Variants in UCN3 observed in about 807,000 individuals in gnomAD.
UCN3 encodes the protein urocortin 3.
UCN3 carries 3 observed loss-of-function variants against 3.6 expected under a neutral mutation model. That is an observed-to-expected ratio of 0.83 (90% CI 0.38 to 2.15). The LOEUF is 2.15. Ranked by LOEUF, UCN3 falls within the 30% of genes most tolerant of loss-of-function variation. The probability of loss-of-function intolerance (pLI) is 0.06; values close to 1 mark genes in which losing one functional copy is unlikely to be tolerated. For missense variants in UCN3, 206 were observed against 208.3 expected, an observed-to-expected ratio of 0.99 and a Z score of 0.07; for synonymous variants, 100 against 93.2, an observed-to-expected ratio of 1.07 and a Z score of -0.42.
At position 5,365,962 on chromosome 10, in the gene UCN3, G is replaced by A. The variant is rs1834113681; in HGVS notation, c.-7+732G>A. The stretch of plus-strand genomic sequence containing the variant: ...ATGTTTATGTTTTCTGAAAATTCCT[G>A]TTCGCAATTTCTTTCCCAAGCATAG... On this transcript the variant is annotated intron_variant, in intron 1 of 1. Coordinates refer to ENST00000380433, the MANE Select transcript of UCN3 (RefSeq NM_053049.4). The surrounding 1 kb of genome is among the most constrained non-coding windows in gnomAD (Gnocchi z 4.4). 6.6e-6 allele frequency among the ~76,000 whole-genome samples: 1 copy of A among 152,166 alleles called. No homozygotes were observed. The highest frequency in any genetic ancestry group is 2.4e-5 in the African/African-American group (1 of 41,434).
chr10:5,370,750 GAT>G lies in UCN3; in HGVS notation c.-6-2964_-6-2963del, dbSNP rs782418086. On this transcript the variant is annotated intron_variant, in intron 1 of 1. Coordinates refer to ENST00000380433, the MANE Select transcript of UCN3 (RefSeq NM_053049.4). ...TGCGTGTGTATATGTGTGTGTATAT[GAT>G]GTGTGTGTATATGCGTGTGTATATG... is the stretch of plus-strand genomic sequence containing the variant. Among the ~76,000 whole-genome samples the G allele has an allele frequency of 5.7e-4, 45 of 79,464 alleles. 3 individuals are homozygous for G. Among genetic ancestry groups the G allele is most frequent in the South Asian group, 3.4e-3 (6 of 1,782 alleles). 52.1% of individuals were successfully genotyped at this position (79,464 alleles called of 152,430 possible). A position where few individuals can be genotyped will look rare whatever the true frequency, so the allele number is the denominator to read the frequency against.
chr10:5,368,326 A>G lies in UCN3; in HGVS notation c.-7+3096A>G, dbSNP rs574497674. Among the ~76,000 whole-genome samples, 582 of 152,162 alleles carry G rather than the reference A, an allele frequency of 3.8e-3. 4 individuals are homozygous for G. Among genetic ancestry groups the G allele is most frequent in the African/African-American group, 0.013 (550 of 41,496 alleles). On this transcript the variant is annotated intron_variant, in intron 1 of 1. Transcript: ENST00000380433. ...GCCAGCACCCTCTATTTTAGCTTAC[A>G]CCCACCCAGAGTCCAGGCGCCTTTC... is the stretch of plus-strand genomic sequence containing the variant.
chr10:5,367,346 C>A lies in UCN3; in HGVS notation c.-7+2116C>A, dbSNP rs1445154683. The stretch of plus-strand genomic sequence containing the variant: ...AAGTATGCCATATAAAAGATTTTTT[C>A]CTCTGTGATACGTAACAACATGATT... On this transcript the variant is annotated intron_variant, in intron 1 of 1. Transcript: ENST00000380433. The surrounding 1 kb of genome is among the most constrained non-coding windows in gnomAD (Gnocchi z 4.3). 2.0e-5 allele frequency among the ~76,000 whole-genome samples: 3 copies of A among 152,098 alleles called. No homozygotes were observed. The highest frequency in any genetic ancestry group is 7.2e-5 in the African/African-American group (3 of 41,424).
chr10:5,369,923 G>A (rs77316345), intron 1 of UCN3, among the ~76,000 whole-genome samples: 18 of 95,892 alleles, frequency 1.9e-4, no homozygotes, highest in African/African-American at 5.6e-4. Context: ...ATATGTGTGT[G>A]TATGTGTGTG....
intron 1 of UCN3, among the ~76,000 whole-genome samples, chr10:5,370,862 C>CGCGTGTGT (rs1481819542): frequency 2.2e-5 from 1 of 45,332 alleles, no homozygotes; most frequent in African/African-American, 9.6e-5. Context: ...CGTGTGTGTG[C>CGCGTGTGT]GTGTGTATGT....
rs1295698671 is a variant in UCN3 at position 5,370,738 on chromosome 10, G to GA, written c.-6-2977_-6-2976insA. Among the ~76,000 whole-genome samples, 206 of 114,228 alleles carry GA rather than the reference G, an allele frequency of 1.8e-3. 29 individuals carry two copies. Among genetic ancestry groups the GA allele is most frequent in the African/African-American group, 7.8e-3 (195 of 24,860 alleles). The allele number at this position is 114,228 out of a possible 152,430, so 74.9% of individuals were successfully genotyped here. ...TGTGTGTGTATATGCGTGTGTATAT[G>GA]TGTGTGTATATGATGTGTGTGTATA... On this transcript the variant is annotated intron_variant, in intron 1 of 1. Transcript: ENST00000380433.
intron 1 of UCN3, among the ~76,000 whole-genome samples, chr10:5,368,863 C>G (rs1214073804): frequency 6.6e-6 from 1 of 152,126 alleles, no homozygotes; most frequent in Non-Finnish European, 1.5e-5. Flanking sequence ...TTAGTGCACC[C>G]CTGGAACTCC....
rs1012370292 is a variant in UCN3, at chr10:5,371,223, T to C, written c.-6-2492T>C. On this transcript the variant is annotated intron_variant, in intron 1 of 1. Transcript: ENST00000380433. ...GTGTGTATGTGTGCATATGTGTGCA[T>C]GTATAAATATGCATGTCTATATGTA... 1.6e-4 allele frequency among the ~76,000 whole-genome samples: 24 copies of C among 151,196 alleles called. 2 individuals are homozygous for C. Among genetic ancestry groups the C allele is most frequent in the African/African-American group, 5.9e-4 (24 of 40,778 alleles).
chr10:5,368,300 G>A (rs1588398248), intron 1 of UCN3, among the ~76,000 whole-genome samples: 1 of 152,050 alleles, frequency 6.6e-6, no homozygotes, highest in African/African-American at 2.4e-5. Context: ...CACCCAGTCC[G>A]GCCAGCACCC....
rs544370359 is a variant in UCN3 at position 5,365,246 on chromosome 10, G to A, written c.-7+16G>A. The A allele has an allele frequency of 1.1e-4, 17 of 152,426 alleles. No individual in the cohort carries two copies. The highest frequency in any genetic ancestry group is 3.4e-4 in the African/African-American group (14 of 41,558). The allele number at this position is 152,426 out of a possible 1,614,324, so 9.4% of individuals were successfully genotyped here. A position where few individuals can be genotyped will look rare whatever the true frequency, so the allele number is the denominator to read the frequency against. On this transcript the variant is annotated intron_variant, in intron 1 of 1. Coordinates refer to ENST00000380433, the MANE Select transcript of UCN3 (RefSeq NM_053049.4). The surrounding 1 kb of genome is among the most constrained non-coding windows in gnomAD (Gnocchi z 4.4). ...CCACTCTCGGGTAAGCTTGTGGCTG[G>A]GACTGACTTATGAAGGGTAAATGTA...
At chr10:5,372,795 T>G (rs1831448502) in intron 1 of UCN3, among the ~76,000 whole-genome samples, 1 of 147,630 alleles carries the variant, frequency 6.8e-6, no homozygotes, top group Non-Finnish European at 1.5e-5. Flanking sequence ...GTTCAAACAA[T>G]CCTCCCACCT....
At position 5,374,283 on chromosome 10, in the gene UCN3, A is replaced by AGGGCGGGGG. The variant is rs1831474913; in HGVS notation, c.*80_*81insCGGGGGGGG. On this transcript the variant is annotated 3_prime_UTR_variant, in exon 2 of 2. Transcript: ENST00000380433. Reference sequence around the variant, plus strand: ...GAGGGGAGGGCGAGGGGGGGAGGGGAGGGGGAGGGTGCTGTCTGCTGGTTT... The same window carrying AGGGCGGGGG: ...GAGGGGAGGGCGAGGGGGGGAGGGGAGGGCGGGGGGGGGGAGGGTGCTGTCTGCTGGTTT... 3 of 48,914 alleles carry AGGGCGGGGG rather than the reference A, an allele frequency of 6.1e-5. No individual in the cohort carries two copies. The highest frequency in any genetic ancestry group is 4.6e-4 in the African/African-American group (3 of 6,474). The allele number at this position is 48,914 out of a possible 1,614,324, so 3.0% of individuals were successfully genotyped here.
chr10:5,369,592 G>A (rs891163671), intron 1 of UCN3, among the ~76,000 whole-genome samples: 6 of 152,194 alleles, frequency 3.9e-5, no homozygotes, highest in Non-Finnish European at 8.8e-5. Context: ...TTCTCACTTC[G>A]CCAGGCAACA....
rs782554505 is a variant in UCN3, at chr10:5,373,973, G to A, written c.253G>A (p.Gly85Arg). ...GKEKKTFPIS[G>R]ARGGARGTRY... is the part of the protein sequence containing the mutation. ...AGAGAAAAAGACTTTCCCCATCTCTGGGGCCAGGGGTGGAGCCAGAGGCAC... is the reference window on the plus strand; with the variant it reads ...AGAGAAAAAGACTTTCCCCATCTCTAGGGCCAGGGGTGGAGCCAGAGGCAC... Residue 85 changes from glycine (G) to arginine (R), a missense_variant, in exon 2 of 2, where the codon GGG (glycine) becomes AGG (arginine). Gly to Arg is a moderately radical substitution (Grantham distance 125). Coordinates refer to ENST00000380433, the MANE Select transcript of UCN3 (RefSeq NM_053049.4). 5.0e-6 allele frequency: 8 copies of A among 1,610,458 alleles called. No homozygotes were observed. The highest frequency in any genetic ancestry group is 6.8e-6 in the Non-Finnish European group (8 of 1,178,436).
rs368038908 is a variant in UCN3, at chr10:5,370,313, G to GTGTA, written c.-6-3401_-6-3400insGTAT. On this transcript the variant is annotated intron_variant, in intron 1 of 1. Coordinates refer to ENST00000380433, the MANE Select transcript of UCN3 (RefSeq NM_053049.4). ...TGTGTGTATGCGTGTGTATATGCGT[G>GTGTA]TATGTGTGTGTATATGCGTGTGTAT... is the stretch of plus-strand genomic sequence containing the variant. 1.1e-4 allele frequency among the ~76,000 whole-genome samples: 4 copies of GTGTA among 36,054 alleles called. 1 individual carries two copies. Among genetic ancestry groups the GTGTA allele is most frequent in the Non-Finnish European group, 1.0e-4 (2 of 19,064 alleles). 23.7% of individuals were successfully genotyped at this position (36,054 alleles called of 152,430 possible).
chr10:5,367,529 T>C lies in UCN3; in HGVS notation c.-7+2299T>C, dbSNP rs1301632502. 6.6e-6 allele frequency among the ~76,000 whole-genome samples: 1 copy of C among 152,210 alleles called. No homozygotes were observed. The highest frequency in any genetic ancestry group is 2.4e-5 in the African/African-American group (1 of 41,462). On this transcript the variant is annotated intron_variant, in intron 1 of 1. Transcript: ENST00000380433. This position sits in a 1 kb window ranked among gnomAD's most constrained non-coding sequence, Gnocchi z 4.3. The stretch of plus-strand genomic sequence containing the variant: ...ATTTAGTATAAGGCACTATTGGCCA[T>C]GTCAGGCTTTTCCAAGCATCCTGAG...
At chr10:5,370,204 CGTGTGTATGT>C (rs1181222891) in intron 1 of UCN3, among the ~76,000 whole-genome samples, 1 of 5,458 alleles carries the variant, frequency 1.8e-4, no homozygotes, top group African/African-American at 9.5e-4. Flanking sequence ...TGTGTATATG[CGTGTGTATGT>C]GTGTGTATGT....
rs1023508797 is a variant in UCN3, at chr10:5,367,326, T to G, written c.-7+2096T>G. ...ATTAAAAAACAAAACCAAAAAAGTA[T>G]GCCATATAAAAGATTTTTTCCTCTG... On this transcript the variant is annotated intron_variant, in intron 1 of 1. Coordinates refer to ENST00000380433, the MANE Select transcript of UCN3 (RefSeq NM_053049.4). This position sits in a 1 kb window ranked among gnomAD's most constrained non-coding sequence, Gnocchi z 4.3. Among the ~76,000 whole-genome samples the G allele has an allele frequency of 6.6e-6, 1 of 152,176 alleles. No individual in the cohort carries two copies. Among genetic ancestry groups the G allele is most frequent in the Non-Finnish European group, 1.5e-5 (1 of 68,032 alleles).
At chr10:5,370,881 A>ATGTGTGTATATGTGTGTGTATG (rs1564443751) in intron 1 of UCN3, among the ~76,000 whole-genome samples, 1 of 80,486 alleles carries the variant, frequency 1.2e-5, no homozygotes, top group Non-Finnish European at 2.5e-5. Context: ...GTGTGTGTAT[A>ATGTGTGTATATGTGTGTGTATG]TGCGTGTGTA....
Sources: gnomAD v4.1 joint callset for allele counts (sites outside exome capture counted in the v4.1 genomes callset) on GRCh38, gnomAD v4.1.1 for gene constraint, Gnocchi (gnomAD v3.1) non-coding constraint, MANE v1.5 for transcripts, NCBI Gene and HGNC (gene_info 2026-07-23, HGNC 2026-07-21) for gene names.